The following NLRP5 variants were observed in gnomAD, a reference collection of about 807,000 sequenced individuals.
NLRP5 encodes NLR family pyrin domain containing 5, also known as NACHT, LRR and PYD domains-containing protein 5.
Under a neutral mutation model 113.1 loss-of-function variants are expected in NLRP5, and 93 were observed. The observed-to-expected ratio is 0.82, with a 90% confidence interval of 0.70 to 0.98. NLRP5 has a LOEUF of 0.98. NLRP5 is among the 50% of genes least tolerant of loss of function. The pLI is 0.00. For missense variants in NLRP5, 1,808 were observed against 1,514.3 expected, an observed-to-expected ratio of 1.19 and a Z score of -3.22; for synonymous variants, 751 against 600.7, an observed-to-expected ratio of 1.25 and a Z score of -3.66.
intron 2 of NLRP5, among the ~76,000 whole-genome samples, chr19:56,005,119 T>TATATA (rs1555763771): frequency 7.0e-6 from 1 of 143,570 alleles, no homozygotes; most frequent in Admixed American, 7.2e-5. Context: ...TATATATATA[T>TATATA]ATATATAATA....
chr19:56,046,831 C>T (rs895352104), intron 11 of NLRP5, among the ~76,000 whole-genome samples: 2 of 152,248 alleles, frequency 1.3e-5, no homozygotes, highest in Non-Finnish European at 2.9e-5. Flanking sequence ...CGCGCCCAGC[C>T]ACCACTTCTT....
chr19:56,058,596 A>G (rs146174029), intron 14 of NLRP5, among the ~76,000 whole-genome samples, 186 bp downstream of exon 14: 17 of 152,212 alleles, frequency 1.1e-4, no homozygotes, highest in African/African-American at 4.1e-4. Flanking sequence ...AATATGGGAG[A>G]TAGAGGCCAG....
At chr19:56,010,554 G>A (rs1175484542) in intron 3 of NLRP5, among the ~76,000 whole-genome samples, 2 of 150,910 alleles carry the variant, frequency 1.3e-5, no homozygotes, top group East Asian at 3.9e-4. Flanking sequence ...AGACCAGTCT[G>A]ACCAACATGG....
At chr19:56,053,977 C>T (rs1352157275) in intron 13 of NLRP5, among the ~76,000 whole-genome samples, 169 bp downstream of exon 13, 1 of 152,136 alleles carries the variant, frequency 6.6e-6, no homozygotes, top group Non-Finnish European at 1.5e-5. Flanking sequence ...TCCAGCTCGG[C>T]TCCTATGGAT....
chr19:56,043,542 C>CTTTTTTTT lies in NLRP5; in HGVS notation c.2957+2484_2957+2491dup, dbSNP rs369622191. On this transcript the variant is annotated intron_variant, in intron 11 of 14. Coordinates refer to ENST00000390649, the MANE Select transcript of NLRP5 (RefSeq NM_153447.4). ...TGGATTGTCTGTTTACTCTGCTATT[C>CTTTTTTTT]TTTTTTTTTTTTTTTTTTTTTTTTT... Among the ~76,000 whole-genome samples the CTTTTTTTT allele has an allele frequency of 1.1e-3, 101 of 92,862 alleles. 13 individuals carry two copies. Among genetic ancestry groups the CTTTTTTTT allele is most frequent in the East Asian group, 1.9e-3 (4 of 2,100 alleles). The allele number at this position is 92,862 out of a possible 152,430, so 60.9% of individuals were successfully genotyped here.
At chr19:56,003,165 G>GTTTGT (rs1981721449) in intron 1 of NLRP5, among the ~76,000 whole-genome samples, 1 of 151,848 alleles carries the variant, frequency 6.6e-6, no homozygotes, top group African/African-American at 2.4e-5. Context: ...GTGGTTTTTT[G>GTTTGT]TTTTTTGAGA....
In NLRP5 at chr19:56,009,950, C is replaced by T. The variant is rs141738994; in HGVS notation, c.508+1097C>T. 1.7e-4 allele frequency among the ~76,000 whole-genome samples: 26 copies of T among 152,278 alleles called. 1 individual carries two copies. In the East Asian group the frequency reaches 3.1e-3, roughly 18 times the overall value. Reference sequence around the variant, plus strand: ...AGTTTGATGTCAATCTAGGCTTCACCGGGTGAGTGTGACATGTTATCCTTC... The same window carrying T: ...AGTTTGATGTCAATCTAGGCTTCACTGGGTGAGTGTGACATGTTATCCTTC... On this transcript the variant is annotated intron_variant, in intron 3 of 14. Transcript: ENST00000390649.
chr19:56,032,939 G>T (rs1434702920), intron 8 of NLRP5, among the ~76,000 whole-genome samples, 158 bp downstream of exon 8: 1 of 152,126 alleles, frequency 6.6e-6, no homozygotes, highest in Non-Finnish European at 1.5e-5. Context: ...GCACAGAGTG[G>T]GGAGTCGCTA....
intron 4 of NLRP5, among the ~76,000 whole-genome samples, chr19:56,017,054 G>T (rs1404775444): frequency 1.3e-5 from 2 of 152,028 alleles, no homozygotes; most frequent in Non-Finnish European, 2.9e-5. Context: ...TGATCCGCCC[G>T]CCTCGGCCTC....
chr19:56,060,728 A>G (rs1984321146), intron 14 of NLRP5, among the ~76,000 whole-genome samples: 1 of 151,826 alleles, frequency 6.6e-6, no homozygotes, highest in South Asian at 2.1e-4. Flanking sequence ...GTTTTTTTAC[A>G]TGCAGAGAAT....
chr19:56,022,874 G>A (rs771021713), intron 6 of NLRP5, among the ~76,000 whole-genome samples: 14 of 152,274 alleles, frequency 9.2e-5, no homozygotes, highest in Middle Eastern at 3.4e-3. Flanking sequence ...ACAGGCATGT[G>A]CCACCACACC....
At chr19:56,007,894 TGC>T (rs1354380730) in intron 2 of NLRP5, among the ~76,000 whole-genome samples, 389 of 26,290 alleles carry the variant, frequency 0.015, 25 homozygotes, top group Non-Finnish European at 0.014. Flanking sequence ...TGTGTGCGCG[TGC>T]GCGCGTGCGT....
intron 11 of NLRP5, among the ~76,000 whole-genome samples, chr19:56,049,939 T>C (rs1420654864): frequency 1.3e-5 from 2 of 151,958 alleles, no homozygotes; most frequent in East Asian, 1.9e-4. Context: ...ATTACCAGAG[T>C]TGGTTTTCTG....
intron 12 of NLRP5, among the ~76,000 whole-genome samples, chr19:56,051,676 A>T (rs2867224): frequency 2.6e-5 from 4 of 152,060 alleles, no homozygotes; most frequent in Non-Finnish European, 5.9e-5. Context: ...AATGAAGTAC[A>T]GTAAGGTATT....
chr19:55,996,731 A>G (rs1885429499), upstream of NLRP5, among the ~76,000 whole-genome samples: 1 of 152,152 alleles, frequency 6.6e-6, no homozygotes, highest in Non-Finnish European at 1.5e-5. Context: ...AATCCAGTCT[A>G]TCACTGATGG....
intron 2 of NLRP5, among the ~76,000 whole-genome samples, chr19:56,005,865 C>T (rs1438047756): frequency 6.6e-6 from 1 of 152,282 alleles, no homozygotes; most frequent in African/African-American, 2.4e-5. Flanking sequence ...TGACTCTCAA[C>T]CCCACCCAGT....
intron 2 of NLRP5, among the ~76,000 whole-genome samples, chr19:56,006,742 AT>A (rs201866649): frequency 4.7e-5 from 7 of 149,912 alleles, no homozygotes; most frequent in African/African-American, 9.8e-5. Flanking sequence ...TAAAATAAAA[AT>A]TTTTTTTTGT....
intron 10 of NLRP5, among the ~76,000 whole-genome samples, chr19:56,040,556 G>C (rs1321301992): frequency 6.6e-6 from 1 of 152,106 alleles, no homozygotes; most frequent in African/African-American, 2.4e-5. Context: ...AACAGAGCGA[G>C]ACTCCATCTC....
At chr19:56,055,721 A>G (rs1984118746) in intron 13 of NLRP5, among the ~76,000 whole-genome samples, 1 of 150,526 alleles carries the variant, frequency 6.6e-6, no homozygotes, top group African/African-American at 2.4e-5. Context: ...AATTTTTTGT[A>G]TTTTTAGTAG....
Sources: allele counts gnomAD v4.1 joint callset (sites outside exome capture counted in the v4.1 genomes callset), GRCh38; gene constraint gnomAD v4.1.1; transcripts MANE v1.5; gene names NCBI Gene and HGNC (gene_info 2026-07-23, HGNC 2026-07-21).